The following ULK4 variants were observed in gnomAD, a reference collection of about 807,000 sequenced individuals.
The protein encoded by ULK4 is inactive serine/threonine-protein kinase ULK4.
Under a neutral mutation model 160.6 loss-of-function variants are expected in ULK4, and 133 were observed. The ratio of observed to expected loss-of-function variants is 0.83; its 90% CI spans 0.72 to 0.96. ULK4 has a LOEUF of 0.96. Among genes scored for constraint, ULK4 ranks in the 40% least tolerant of loss-of-function variants. ULK4 has a pLI of 0.00. For synonymous variants in ULK4, 534 were observed against 539.8 expected (o/e 0.99, Z 0.15); for missense variants, 1,580 against 1,499.5 (o/e 1.05, Z -0.89).
intron 7 of ULK4, among the ~76,000 whole-genome samples, chr3:41,917,452 A>C (rs1163456342): frequency 6.6e-6 from 1 of 151,908 alleles, no homozygotes; most frequent in African/African-American, 2.4e-5. Flanking sequence ...GCACAGCAGA[A>C]CCCTGTCTCT....
Position 41,931,935 on chromosome 3 carries a change from CA to C in ULK4, c.449del (p.Leu150TrpfsTer22). On this transcript the variant is annotated frameshift_variant, in exon 5 of 37. Coordinates refer to ENST00000301831, the MANE Select transcript of ULK4 (RefSeq NM_017886.4). LOFTEE classifies it high-confidence loss of function. The part of the protein sequence containing the change: ...FCLAKVEGEN[L>X]EEFFALVAAE... ...CTGCCACCAAAGCAAAGAACTCTTC[CA>C]AATTTTCACCTTCCACTTTTGCCAA... 6.2e-7 allele frequency: 1 copy of C among 1,614,058 alleles called. No individual in the cohort carries two copies. Among genetic ancestry groups the C allele is most frequent in the African/African-American group, 1.3e-5 (1 of 75,004 alleles).
intron 35 of ULK4, among the ~76,000 whole-genome samples, chr3:41,262,557 C>T (rs889063282): frequency 6.6e-6 from 1 of 152,178 alleles, no homozygotes; most frequent in African/African-American, 2.4e-5. Flanking sequence ...CACCTCCATT[C>T]ACCTCTCTTG....
intron 35 of ULK4, among the ~76,000 whole-genome samples, chr3:41,256,437 A>G (rs1168373452): frequency 1.3e-5 from 2 of 152,244 alleles, no homozygotes; most frequent in Non-Finnish European, 2.9e-5. Context: ...ACAGAACTAC[A>G]CAAATTATTG....
At chr3:41,357,661 T>C (rs77062407) in intron 35 of ULK4, among the ~76,000 whole-genome samples, 124 of 152,266 alleles carry the variant, frequency 8.1e-4, no homozygotes, top group Non-Finnish European at 1.5e-3. Flanking sequence ...GCTCAGAACA[T>C]GTTTGTCGAA....
At chr3:41,337,510 GA>G (rs1224710230) in intron 35 of ULK4, among the ~76,000 whole-genome samples, 1 of 152,082 alleles carries the variant, frequency 6.6e-6, no homozygotes, top group Non-Finnish European at 1.5e-5. Context: ...GGGAAGATAG[GA>G]AAAACACGCA....
rs1279434126 is a variant in ULK4, at chr3:41,681,620, A to C, written c.2866T>G (p.Ser956Ala). ...TTCACGAGTAGAGATGTGGTTTCTGAGAGCAACCGCAAGCTAAAGAGTCTC... is the reference window on the plus strand; with the variant it reads ...TTCACGAGTAGAGATGTGGTTTCTGCGAGCAACCGCAAGCTAAAGAGTCTC... ...EWRLFSLRLL[S>A]ETTSLLVNQE... is the part of the protein sequence containing the mutation. Residue 956 changes from serine to alanine, a missense_variant, in exon 29 of 37, where the codon TCA (serine) becomes GCA (alanine). Coordinates refer to ENST00000301831, the MANE Select transcript of ULK4 (RefSeq NM_017886.4). The C allele has an allele frequency of 6.2e-6, 10 of 1,613,866 alleles. No individual in the cohort carries two copies. The South Asian group carries it at 9.9e-5, about 16-fold the overall frequency.
chr3:41,413,254 A>G (rs937777675), intron 34 of ULK4, among the ~76,000 whole-genome samples: 11 of 152,168 alleles, frequency 7.2e-5, no homozygotes, highest in Non-Finnish European at 1.6e-4. Flanking sequence ...TCCCTCCCTC[A>G]ACATGAGGGG....
intron 30 of ULK4, among the ~76,000 whole-genome samples, chr3:41,651,522 C>G (rs1162330886): frequency 6.6e-6 from 1 of 152,146 alleles, no homozygotes; most frequent in African/African-American, 2.4e-5. Context: ...GTTTTGCCCA[C>G]CTCAGTGAAT....
intron 17 of ULK4, among the ~76,000 whole-genome samples, chr3:41,839,041 C>G (rs1422944757): frequency 6.6e-6 from 1 of 152,130 alleles, no homozygotes; most frequent in Non-Finnish European, 1.5e-5. Context: ...ACACTTATTT[C>G]ACAATTGCTG....
chr3:41,773,915 C>T (rs996532416), intron 21 of ULK4, among the ~76,000 whole-genome samples: 16 of 152,144 alleles, frequency 1.1e-4, no homozygotes, highest in Admixed American at 9.2e-4. Context: ...AGAAATAATG[C>T]CGCATATCTA....
intron 31 of ULK4, among the ~76,000 whole-genome samples, chr3:41,573,141 C>G (rs984615415): frequency 2.6e-5 from 4 of 152,180 alleles, no homozygotes; most frequent in African/African-American, 9.7e-5. Context: ...CAGTAGAGAT[C>G]ATTAGAATTA....
intron 1 of ULK4, among the ~76,000 whole-genome samples, chr3:41,961,561 C>A (rs1450337096): frequency 1.2e-4 from 1 of 8,604 alleles, no homozygotes; most frequent in African/African-American, 1.7e-4. Flanking sequence ...CCCCCCCCCC[C>A]CCCCCCCCCG....
intron 17 of ULK4, among the ~76,000 whole-genome samples, chr3:41,840,597 G>A (rs989222299): frequency 5.3e-5 from 8 of 152,208 alleles, no homozygotes; most frequent in East Asian, 1.9e-4. Context: ...GCTGGTCTCC[G>A]GCTCCTGACC....
intron 32 of ULK4, among the ~76,000 whole-genome samples, chr3:41,518,853 G>GT (rs1474149477): frequency 1.3e-5 from 2 of 152,228 alleles, no homozygotes; most frequent in African/African-American, 4.8e-5. Context: ...AAAAGTGAAT[G>GT]TATGTTTCAG....
At position 41,644,970 on chromosome 3, in the gene ULK4, T is replaced by G. The variant is rs1277043593; in HGVS notation, c.3071+18637A>C. The stretch of plus-strand genomic sequence containing the variant: ...TATCCATTTCTTCTAGATTTTCTAG[T>G]TTATTTGTGTAGAGGTGTTTGTAGT... On this transcript the variant is annotated intron_variant, in intron 30 of 36. Transcript: ENST00000301831. 4.0e-5 allele frequency among the ~76,000 whole-genome samples: 6 copies of G among 151,764 alleles called. No individual in the cohort carries two copies. In the South Asian group the frequency reaches 1.2e-3, roughly 31 times the overall value.
chr3:41,466,590 G>C (rs1375663776), intron 32 of ULK4, among the ~76,000 whole-genome samples: 3 of 152,148 alleles, frequency 2.0e-5, no homozygotes, highest in African/African-American at 2.4e-5. Flanking sequence ...AGAAGATTTT[G>C]CAACTAGGTA....
chr3:41,771,963 C>T (rs1050141022), intron 21 of ULK4, among the ~76,000 whole-genome samples: 3 of 152,176 alleles, frequency 2.0e-5, no homozygotes, highest in African/African-American at 7.2e-5. Flanking sequence ...TCCTGCCTCT[C>T]CCCAATCCCA....
intron 30 of ULK4, among the ~76,000 whole-genome samples, chr3:41,641,893 G>C (rs889510268): frequency 3.7e-5 from 4 of 107,700 alleles, no homozygotes; most frequent in East Asian, 6.2e-4. Flanking sequence ...TTTTTTCTTT[G>C]AGACGGAGTT....
intron 29 of ULK4, 66 bp from the exon 30 acceptor site, chr3:41,663,765 A>G: frequency 7.7e-7 from 1 of 1,293,834 alleles, no homozygotes; most frequent in Non-Finnish European, 1.1e-6. Context: ...TGAATTCTAT[A>G]TCCAGCCAAA....
Sources: allele counts gnomAD v4.1 joint callset (sites outside exome capture counted in the v4.1 genomes callset), GRCh38; gene constraint gnomAD v4.1.1; transcripts MANE v1.5; gene names NCBI Gene and HGNC (gene_info 2026-07-23, HGNC 2026-07-21).